The following PCDH15 variants were observed in gnomAD, a reference collection of about 807,000 sequenced individuals.
PCDH15 encodes protocadherin-15.
PCDH15 carries 129 observed loss-of-function variants against 178.5 expected under a neutral mutation model. That is an observed-to-expected ratio of 0.72 (90% CI 0.63 to 0.84). PCDH15 has a LOEUF of 0.84. Among genes scored for constraint, PCDH15 ranks in the 40% least tolerant of loss-of-function variants. PCDH15 has a pLI of 0.00. For synonymous variants in PCDH15, 800 were observed against 732.0 expected (o/e 1.09, Z -1.50); for missense variants, 2,230 against 2,099.9 (o/e 1.06, Z -1.21).
intron 5 of PCDH15, among the ~76,000 whole-genome samples, chr10:54,348,444 T>G (rs1943663622): frequency 6.6e-6 from 1 of 152,144 alleles, no homozygotes; most frequent in Admixed American, 6.5e-5. Context: ...GTCAGCTAAA[T>G]TGCTTCCAAG....
chr10:53,964,382 T>TTATAAATTTTATTTATTCATAAAATTTA (rs2088725559), intron 21 of PCDH15, among the ~76,000 whole-genome samples: 1 of 147,784 alleles, frequency 6.8e-6, no homozygotes, highest in East Asian at 1.9e-4. Context: ...AAAAATTTAT[T>TTATAAATTTTATTTATTCATAAAATTTA]TATAAATTTT....
At chr10:55,351,086 CCTTCTTCTTCTCCTT>C (rs1419048145) in intron 2 of PCDH15, among the ~76,000 whole-genome samples, 4 of 138,746 alleles carry the variant, frequency 2.9e-5, no homozygotes, top group African/African-American at 1.1e-4. Context: ...TCCTCCTCCT[CCTTCTTCTTCTCCTT>C]CTTCTTCTTC....
intron 14 of PCDH15, among the ~76,000 whole-genome samples, chr10:54,152,315 T>C (rs934745424): frequency 3.3e-5 from 5 of 152,172 alleles, no homozygotes; most frequent in African/African-American, 1.2e-4. Context: ...ATTTCTCCAT[T>C]GTCAATAAAA....
In PCDH15 at chr10:54,418,393, AT is replaced by A. The variant is rs1954763632; in HGVS notation, c.158-39452del. Among the ~76,000 whole-genome samples, 3 of 152,182 alleles carry A rather than the reference AT, an allele frequency of 2.0e-5. No homozygotes were observed. In the South Asian group the frequency reaches 6.2e-4, roughly 32 times the overall value. ...TTAATTTTATTTAAATATAACAAAG[AT>A]TTGCCAGTATTCAAATGTCTGCAAT... is the stretch of plus-strand genomic sequence containing the variant. On this transcript the variant is annotated intron_variant, in intron 3 of 37. Coordinates refer to ENST00000644397, the MANE Select transcript of PCDH15 (RefSeq NM_001384140.1).
chr10:54,052,889 G>T (rs781030060), intron 18 of PCDH15, among the ~76,000 whole-genome samples: 12 of 152,070 alleles, frequency 7.9e-5, no homozygotes, highest in Non-Finnish European at 1.8e-4. Context: ...ATGATACTAC[G>T]TTTTCACAAG....
chr10:54,915,336 T>G (rs1954882735), intron 2 of PCDH15, among the ~76,000 whole-genome samples: 1 of 152,160 alleles, frequency 6.6e-6, no homozygotes, highest in Non-Finnish European at 1.5e-5. Context: ...TAAGTGAATA[T>G]CAGATATTAA....
In PCDH15 at chr10:55,130,727, A is replaced by G. The variant is rs539167584; in HGVS notation, c.-80+35849T>C. ...TGTGTGTGTGTGTGTGTGTGTGTGTATATACATTAAGCCATAACTAGGCAC... is the reference window on the plus strand; with the variant it reads ...TGTGTGTGTGTGTGTGTGTGTGTGTGTATACATTAAGCCATAACTAGGCAC... On this transcript the variant is annotated intron_variant, in intron 2 of 5. Coordinates refer to the PCDH15 transcript ENST00000458638. Among the ~76,000 whole-genome samples the G allele has an allele frequency of 6.5e-4, 94 of 145,276 alleles. 2 individuals are homozygous for G. The South Asian group carries it at 0.02, about 31-fold the overall frequency.
At chr10:53,952,685 T>G (rs1356954961) in intron 23 of PCDH15, among the ~76,000 whole-genome samples, 3 of 152,196 alleles carry the variant, frequency 2.0e-5, no homozygotes, top group Non-Finnish European at 4.4e-5. Context: ...CCTGTCTGCC[T>G]TCTGCTGCCA....
chr10:53,832,211 T>C (rs553630529), intron 29 of PCDH15, among the ~76,000 whole-genome samples: 74 of 151,978 alleles, frequency 4.9e-4, no homozygotes, highest in Non-Finnish European at 8.2e-4. Flanking sequence ...TGACAGGAAG[T>C]GGTAGTCAAT....
intron 3 of PCDH15, among the ~76,000 whole-genome samples, chr10:54,394,220 A>G (rs1010403701): frequency 1.3e-5 from 2 of 151,358 alleles, no homozygotes; most frequent in African/African-American, 2.4e-5. Flanking sequence ...TTACATTCTT[A>G]TTATATAGCA....
chr10:55,212,496 G>A (rs1310111593), intron 1 of PCDH15, among the ~76,000 whole-genome samples: 5 of 151,918 alleles, frequency 3.3e-5, no homozygotes, highest in African/African-American at 1.2e-4. Context: ...CGAACCTTGG[G>A]TGATACTCCA....
At chr10:55,350,248 TATATATATATATATATATATACAC>T (rs1250893870) in intron 2 of PCDH15, among the ~76,000 whole-genome samples, 12 of 63,290 alleles carry the variant, frequency 1.9e-4, no homozygotes, top group Non-Finnish European at 3.4e-4. Flanking sequence ...TATATATATA[TATATATATATATATATATATACAC>T]ACACACACAC....
At chr10:55,620,439 A>G (rs1843568112) in intron 2 of PCDH15, among the ~76,000 whole-genome samples, 1 of 152,092 alleles carries the variant, frequency 6.6e-6, no homozygotes, top group Non-Finnish European at 1.5e-5. Context: ...ACACATCTAC[A>G]GAAGTTTAAA....
intron 1 of PCDH15, among the ~76,000 whole-genome samples, chr10:55,317,566 CT>C (rs1212753851): frequency 6.6e-6 from 1 of 151,718 alleles, no homozygotes. Context: ...ATAATTTCAG[CT>C]TGAAGCTCTT....
At chr10:54,437,199 A>G (rs576907810) in intron 3 of PCDH15, among the ~76,000 whole-genome samples, 1 of 152,336 alleles carries the variant, frequency 6.6e-6, no homozygotes, top group South Asian at 2.1e-4. Flanking sequence ...ATTTTTCACC[A>G]GGATAGTGAA....
At chr10:54,822,506 A>G (rs1361587550) in intron 3 of PCDH15, among the ~76,000 whole-genome samples, 5 of 152,158 alleles carry the variant, frequency 3.3e-5, no homozygotes, top group African/African-American at 1.2e-4. Context: ...CTGTGTGTAC[A>G]TACCATAATT....
At chr10:54,453,029 T>C (rs1017717819) in intron 3 of PCDH15, among the ~76,000 whole-genome samples, 13 of 151,898 alleles carry the variant, frequency 8.6e-5, no homozygotes, top group Admixed American at 7.9e-4. Flanking sequence ...CTAGTGTCTC[T>C]ATAAGGAACA....
rs2056761757 is a variant in PCDH15, at chr10:54,254,640, G to C, written c.877-17709C>G. On this transcript the variant is annotated intron_variant, in intron 8 of 37. Transcript: ENST00000644397. Reference sequence around the variant, plus strand: ...CATACTGAAGGACCTTGGGAGATTAGGGTCTTTTTGTGGAAGGGCAAACTG... The same window carrying C: ...CATACTGAAGGACCTTGGGAGATTACGGTCTTTTTGTGGAAGGGCAAACTG... Among the ~76,000 whole-genome samples the C allele has an allele frequency of 2.0e-5, 3 of 152,190 alleles. No individual in the cohort carries two copies. In the South Asian group the frequency reaches 6.2e-4, roughly 32 times the overall value.
At chr10:54,650,826 A>C (rs1321791223) in intron 2 of PCDH15, among the ~76,000 whole-genome samples, 1 of 152,136 alleles carries the variant, frequency 6.6e-6, no homozygotes, top group Non-Finnish European at 1.5e-5. Flanking sequence ...GGAAACAGCC[A>C]CCATGATTCA....
Sources: gnomAD v4.1 joint callset for allele counts (sites outside exome capture counted in the v4.1 genomes callset) on GRCh38, gnomAD v4.1.1 for gene constraint, MANE v1.5 for transcripts, NCBI Gene and HGNC (gene_info 2026-07-23, HGNC 2026-07-21) for gene names.